ENO1: variants seen among roughly 807,000 people sequenced by gnomAD.
ENO1 encodes the protein alpha-enolase.
ENO1 carries 33 observed loss-of-function variants against 46.3 expected under a neutral mutation model. The observed-to-expected ratio is 0.71, with a 90% CI of 0.54 to 0.95. The LOEUF (loss-of-function observed/expected upper bound fraction) is 0.95. ENO1 is among the 40% of genes least tolerant of loss of function. ENO1 has a pLI of 0.00. For synonymous variants in ENO1, 220 were observed against 216.0 expected (o/e 1.02, Z -0.16); for missense variants, 488 against 553.3 (o/e 0.88, Z 1.18).
intron 3 of ENO1, 167 bp downstream of exon 3, chr1:8,871,724 T>C (rs1642636794): frequency 1.6e-6 from 2 of 1,260,516 alleles, no homozygotes; most frequent in Non-Finnish European, 2.1e-6. Context: ...ACACCAACTT[T>C]CCTGTCCACA....
rs781048965 is a variant in ENO1 at position 8,876,992 on chromosome 1, A to AT, written c.-10+1587dup. On this transcript the variant is annotated intron_variant, in intron 1 of 11. Transcript: ENST00000234590. ...AGGCGCCTGCCATTACGCCCAGGTG[A>AT]TTTTTTTTTTTTTTTGAGACGGAGT... 5.8e-3 allele frequency among the ~76,000 whole-genome samples: 797 copies of AT among 136,914 alleles called. 7 individuals carry two copies. The highest frequency in any genetic ancestry group is 0.015 in the African/African-American group (555 of 37,710). 89.8% of individuals were successfully genotyped at this position (136,914 alleles called of 152,430 possible).
chr1:8,878,367 G>GCCCT (rs1557590067), intron 1 of ENO1: 1 of 313,310 alleles, frequency 3.2e-6, no homozygotes, highest in East Asian at 1.1e-4. Flanking sequence ...GAAATCGGGG[G>GCCCT]CCCAGCACGT....
At chr1:8,873,780 GACTC>G (rs1642679260) in intron 2 of ENO1, 5 of 152,384 alleles carry the variant, frequency 3.3e-5, no homozygotes, top group Non-Finnish European at 7.3e-5. Flanking sequence ...CACAGATGGT[GACTC>G]AGCTCCGACT....
intron 11 of ENO1, among the ~76,000 whole-genome samples, chr1:8,862,020 C>CA (rs1015198003): frequency 9.2e-5 from 14 of 151,962 alleles, no homozygotes; most frequent in Non-Finnish European, 1.6e-4. Flanking sequence ...TGGTGGTGGG[C>CA]ACCTGTAATC....
chr1:8,867,551 AATTTTT>A (rs1345278675), intron 5 of ENO1, among the ~76,000 whole-genome samples: 1 of 149,622 alleles, frequency 6.7e-6, no homozygotes, highest in Non-Finnish European at 1.5e-5. Flanking sequence ...ATTCAAAAAA[AATTTTT>A]TTTTTTCTTT....
chr1:8,861,917 G>T (rs1432308064), intron 11 of ENO1, among the ~76,000 whole-genome samples: 1 of 149,358 alleles, frequency 6.7e-6, no homozygotes, highest in Non-Finnish European at 1.5e-5. Context: ...ACACATTTTG[G>T]GGCCAGGCAC....
In ENO1 at chr1:8,862,883, T is replaced by C; in HGVS notation, c.1235+4A>G. Reference sequence around the variant, plus strand: ...GGCCCCTTGTTCTCAGGAGCCCTCCTTACCTGAGGAGCTGGTTGTACTTGG... The same window carrying C: ...GGCCCCTTGTTCTCAGGAGCCCTCCCTACCTGAGGAGCTGGTTGTACTTGG... On this transcript the variant is annotated splice_donor_region_variant and intron_variant, in intron 11 of 11. Transcript: ENST00000234590. 6.2e-7 allele frequency: 1 copy of C among 1,614,004 alleles called. No individual in the cohort carries two copies. Among genetic ancestry groups the C allele is most frequent in the South Asian group, 1.1e-5 (1 of 91,054 alleles).
chr1:8,866,286 AT>A lies in ENO1; in HGVS notation c.659del (p.Asn220IlefsTer8), dbSNP rs746040953. 1.2e-6 allele frequency: 2 copies of A among 1,613,858 alleles called. No individual in the cohort carries two copies. The highest frequency in any genetic ancestry group is 3.3e-5 in the Admixed American group (2 of 60,006). On this transcript the variant is annotated frameshift_variant, in exon 7 of 12. Transcript: ENST00000234590. LOFTEE classifies it high-confidence loss of function. ...EGGFAPNILE[N>X]KEGLELLKTA... ...GTTCCCTAGCGCCTTTACCTTCTTT[AT>A]TCTCCAGGATGTTGGGAGCAAACCC... is the stretch of plus-strand genomic sequence containing the variant.
rs759618048 is a variant in ENO1 at position 8,868,095 on chromosome 1, T to C, written c.241-38A>G. The C allele has an allele frequency of 1.3e-5, 19 of 1,465,130 alleles. No homozygotes were observed. In the Admixed American group the frequency reaches 2.0e-4, roughly 16 times the overall value. 90.8% of individuals were successfully genotyped at this position (1,465,130 alleles called of 1,614,324 possible). A position where few individuals can be genotyped will look rare whatever the true frequency, so the allele number is the denominator to read the frequency against. On this transcript the variant is annotated intron_variant, in intron 4 of 11. Coordinates refer to ENST00000234590, the MANE Select transcript of ENO1 (RefSeq NM_001428.5). ...GGGGAGAATGAGGGGTTGGGGCCAC[T>C]CTTATCTGCATAGCCTTTGCTCCCC...
chr1:8,867,258 A>G lies in ENO1; in HGVS notation c.311-8T>C. ...CGTTCGCACCAAACTTAGCTAGAAC[A>G]GAAGAGAACCGAGTGGAATGAAGTC... On this transcript the variant is annotated splice_polypyrimidine_tract_variant and splice_region_variant and intron_variant, in intron 5 of 11. Coordinates refer to ENST00000234590, the MANE Select transcript of ENO1 (RefSeq NM_001428.5). 1 of 1,613,966 alleles carries G rather than the reference A, an allele frequency of 6.2e-7. No individual in the cohort carries two copies. Among genetic ancestry groups the G allele is most frequent in the Non-Finnish European group, 8.5e-7 (1 of 1,179,838 alleles).
rs112899083 is a variant in ENO1 at position 8,872,121 on chromosome 1, G to T, written c.86-135C>A. 5.5e-4 allele frequency: 384 copies of T among 692,076 alleles called. 1 individual carries two copies. The African/African-American group carries it at 5.6e-3, about 10-fold the overall frequency. 42.9% of individuals were successfully genotyped at this position (692,076 alleles called of 1,614,324 possible). A position where few individuals can be genotyped will look rare whatever the true frequency, so the allele number is the denominator to read the frequency against. ...CTCCTACCAGCTGTGTGAATTAAACGCTCTGGGCTGTTCTTCATGCCTTTC... is the reference window on the plus strand; with the variant it reads ...CTCCTACCAGCTGTGTGAATTAAACTCTCTGGGCTGTTCTTCATGCCTTTC... On this transcript the variant is annotated intron_variant, in intron 2 of 11. Coordinates refer to ENST00000234590, the MANE Select transcript of ENO1 (RefSeq NM_001428.5).
At chr1:8,872,088 G>A (rs974839891) in intron 2 of ENO1, 102 bp from the exon 3 acceptor site, 3 of 931,518 alleles carry the variant, frequency 3.2e-6, no homozygotes, top group African/African-American at 3.3e-5. Context: ...TTAGGGAGCT[G>A]TTTCTTCCTC....
At position 8,865,429 on chromosome 1, in the gene ENO1, C is replaced by G; in HGVS notation, c.721G>C (p.Val241Leu). The G allele has an allele frequency of 3.1e-6, 5 of 1,613,920 alleles. No homozygotes were observed. In the African/African-American group the frequency reaches 4.0e-5, roughly 13 times the overall value. The change falls in exon 8 of 12, where the codon GTC (valine) becomes CTC (leucine). Residue 241 changes from valine (V) to leucine (L), a missense_variant. Physicochemically the swap from Val to Leu is conservative, Grantham distance 32. Coordinates refer to ENST00000234590, the MANE Select transcript of ENO1 (RefSeq NM_001428.5). ...IGKAGYTDKV[V>L]IGMDVAASEF... ...GAGGCCGCTACGTCCATGCCGATGA[C>G]CACCTTATCAGTGTAGCCAGCTTTC...
intron 11 of ENO1, 57 bp from the exon 12 acceptor site, chr1:8,861,486 G>A (rs1460384458): frequency 6.3e-7 from 1 of 1,591,518 alleles, no homozygotes; most frequent in Non-Finnish European, 8.6e-7. Context: ...CAGACCTCAA[G>A]TTTTAAGTTT....
Position 8,862,907 on chromosome 1 carries a change from G to A in ENO1, c.1215C>T (p.Ala405=), listed in dbSNP as rs757288345. The change falls in exon 11 of 12, where the codon GCC becomes GCT. Residue 405 remains alanine (A), a synonymous_variant. Transcript: ENST00000234590. ...TGAPCRSERL[A]KYNQLLRIEE... The stretch of plus-strand genomic sequence containing the variant: ...CTTACCTGAGGAGCTGGTTGTACTT[G>A]GCCAAGCGCTCAGATCGGCAAGGGG... The A allele has an allele frequency of 1.2e-6, 2 of 1,614,134 alleles. No homozygotes were observed. The highest frequency in any genetic ancestry group is 1.7e-6 in the Non-Finnish European group (2 of 1,180,012).
At chr1:8,870,190 T>C in intron 4 of ENO1, 1 of 507,918 alleles carries the variant, frequency 2.0e-6, no homozygotes. Context: ...TCTTCAAAGG[T>C]CCAGAGAGTT....
In ENO1 at chr1:8,866,271, G is replaced by A. The variant is rs374017814; in HGVS notation, c.667+8C>T. On this transcript the variant is annotated splice_region_variant and intron_variant, in intron 7 of 11. Coordinates refer to ENST00000234590, the MANE Select transcript of ENO1 (RefSeq NM_001428.5). ...CTGGGTGGGGGGGCGGTTCCCTAGC[G>A]CCTTTACCTTCTTTATTCTCCAGGA... 12 of 1,613,394 alleles carry A rather than the reference G, an allele frequency of 7.4e-6. No homozygotes were observed. Among genetic ancestry groups the A allele is most frequent in the African/African-American group, 4.0e-5 (3 of 74,850 alleles).
intron 11 of ENO1, among the ~76,000 whole-genome samples, chr1:8,862,301 C>T (rs1642420305): frequency 6.6e-6 from 1 of 151,984 alleles, no homozygotes; most frequent in Non-Finnish European, 1.5e-5. Flanking sequence ...CTACTGTTCA[C>T]CTGCTTTTTT....
Position 8,861,331 on chromosome 1 carries a change from G to A in ENO1, c.*29C>T, listed in dbSNP as rs748077878. The A allele has an allele frequency of 1.9e-6, 3 of 1,612,580 alleles. No individual in the cohort carries two copies. In the South Asian group the frequency reaches 3.3e-5, roughly 18 times the overall value. ...AGGGGAGGGGTCTGTGTAGCCAACA[G>A]GTGACCGAAGGGCTTGCCTGCCCAC... On this transcript the variant is annotated 3_prime_UTR_variant, in exon 12 of 12. Coordinates refer to ENST00000234590, the MANE Select transcript of ENO1 (RefSeq NM_001428.5).
Sources: gnomAD v4.1 joint callset for allele counts (sites outside exome capture counted in the v4.1 genomes callset) on GRCh38, gnomAD v4.1.1 for gene constraint, MANE v1.5 for transcripts, NCBI Gene and HGNC (gene_info 2026-07-23, HGNC 2026-07-21) for gene names.